The following WDR41 variants were observed in gnomAD, a reference collection of about 807,000 sequenced individuals.
The protein encoded by WDR41 is WD repeat-containing protein 41.
Under a neutral mutation model 69.3 loss-of-function variants are expected in WDR41, and 63 were observed. The observed-to-expected ratio is 0.91, with a 90% CI of 0.74 to 1.12. The LOEUF (loss-of-function observed/expected upper bound fraction) is 1.12, where lower values mean the gene tolerates loss of function less well. Among genes scored for constraint, WDR41 ranks in the 50% most tolerant of loss-of-function variants. The probability of loss-of-function intolerance (pLI) is 0.00; values close to 1 mark genes in which losing one functional copy is unlikely to be tolerated. For synonymous variants in WDR41, 185 were observed against 192.1 expected (o/e 0.96, Z 0.31); for missense variants, 543 against 534.5 (o/e 1.02, Z -0.16).
rs563105005 is a variant in WDR41 at position 77,526,099 on chromosome 5, T to C, written c.43-36527A>G. On this transcript the variant is annotated intron_variant, in intron 1 of 5. Coordinates refer to the WDR41 transcript ENST00000509971. ...ACAAAAAATTATTATAAATTTTAAC[T>C]ATACACTAAAATAGAGGAAATAGTA... 5.9e-5 allele frequency among the ~76,000 whole-genome samples: 9 copies of C among 152,348 alleles called. No homozygotes were observed. In the East Asian group the frequency reaches 1.7e-3, roughly 29 times the overall value.
At chr5:77,586,821 C>T (rs1002490683) in intron 1 of WDR41, among the ~76,000 whole-genome samples, 8 of 149,752 alleles carry the variant, frequency 5.3e-5, no homozygotes, top group African/African-American at 1.5e-4. Context: ...CGGGTTCAAG[C>T]GATTCTCCTG....
upstream of WDR41, among the ~76,000 whole-genome samples, chr5:77,495,790 C>A (rs563766071): frequency 8.0e-5 from 8 of 100,546 alleles, 1 homozygote; most frequent in South Asian, 2.7e-3. Context: ...ACCCTGATAC[C>A]AAAACCAGAA....
intron 1 of WDR41, chr5:77,582,676 G>A: frequency 6.2e-7 from 1 of 1,600,702 alleles, no homozygotes. Context: ...TATCAGTGCT[G>A]TGAGCCCAAA....
At chr5:77,471,934 T>C (rs1446044587) in intron 2 of WDR41, among the ~76,000 whole-genome samples, 1 of 152,158 alleles carries the variant, frequency 6.6e-6, no homozygotes, top group African/African-American at 2.4e-5. Context: ...GAGGCCAGCA[T>C]CATCCTGATA....
At chr5:77,606,684 T>A (rs1744426388) in intron 1 of WDR41, among the ~76,000 whole-genome samples, 1 of 151,884 alleles carries the variant, frequency 6.6e-6, no homozygotes, top group Non-Finnish European at 1.5e-5. Flanking sequence ...ACACCAGTAG[T>A]CCCAGCTACT....
chr5:77,514,639 C>T (rs547547962), intron 1 of WDR41, among the ~76,000 whole-genome samples: 15 of 152,086 alleles, frequency 9.9e-5, no homozygotes, highest in African/African-American at 2.2e-4. Flanking sequence ...TTAATGATAG[C>T]GACACATTCT....
intron 1 of WDR41, among the ~76,000 whole-genome samples, chr5:77,552,307 A>C (rs1391952879): frequency 6.6e-6 from 1 of 152,168 alleles, no homozygotes; most frequent in Non-Finnish European, 1.5e-5. Context: ...TCCAAGGAAA[A>C]TGAAATACTT....
intron 1 of WDR41, among the ~76,000 whole-genome samples, chr5:77,527,865 A>T (rs79705670): frequency 0.018 from 2,766 of 151,862 alleles, 59 homozygotes; most frequent in African/African-American, 0.055. Flanking sequence ...AAGTCATGGA[A>T]AATATTTTGA....
chr5:77,574,735 C>T (rs965798345), intron 1 of WDR41, among the ~76,000 whole-genome samples: 3 of 152,136 alleles, frequency 2.0e-5, no homozygotes, highest in Non-Finnish European at 4.4e-5. Context: ...ACTAATTATC[C>T]TCTCTTTCAC....
chr5:77,595,271 A>G lies in WDR41; in HGVS notation c.42+25208T>C, dbSNP rs182409762. On this transcript the variant is annotated intron_variant, in intron 1 of 5. Coordinates refer to the WDR41 transcript ENST00000509971. ...ATAGAGTGCGTGACCAATAAGATCA[A>G]GTTCAACTATAAGAATGTTTATGAA... is the stretch of plus-strand genomic sequence containing the variant. Among the ~76,000 whole-genome samples the G allele has an allele frequency of 1.4e-3, 213 of 152,356 alleles. No homozygotes were observed. The Middle Eastern group carries it at 0.02, about 15-fold the overall frequency.
chr5:77,540,165 C>G (rs115647473), intron 1 of WDR41, among the ~76,000 whole-genome samples: 2 of 152,120 alleles, frequency 1.3e-5, no homozygotes, highest in East Asian at 3.9e-4. Flanking sequence ...CACTGTAAAG[C>G]GAGAGGGTGT....
chr5:77,449,067 T>C (rs557961690), intron 8 of WDR41, among the ~76,000 whole-genome samples: 19 of 152,134 alleles, frequency 1.2e-4, no homozygotes, highest in South Asian at 4.2e-4. Flanking sequence ...CATACACAGA[T>C]CACCCAGCAC....
At chr5:77,527,302 A>G (rs981191882) in intron 1 of WDR41, among the ~76,000 whole-genome samples, 1 of 151,962 alleles carries the variant, frequency 6.6e-6, no homozygotes, top group African/African-American at 2.4e-5. Flanking sequence ...AAAGAAAAAC[A>G]TACACCATGC....
chr5:77,440,680 G>T (rs1294372218), intron 9 of WDR41, 133 bp downstream of exon 9: 11 of 793,924 alleles, frequency 1.4e-5, no homozygotes, highest in East Asian at 1.4e-4. Context: ...TTTAGAAAAA[G>T]ACCATTTTAA....
At chr5:77,518,739 T>C (rs1372761577) in intron 1 of WDR41, among the ~76,000 whole-genome samples, 1 of 152,132 alleles carries the variant, frequency 6.6e-6, no homozygotes, top group African/African-American at 2.4e-5. Context: ...ATAAACCACT[T>C]TCCAAATTAA....
At chr5:77,523,412 C>T (rs993369000) in intron 1 of WDR41, among the ~76,000 whole-genome samples, 7 of 151,846 alleles carry the variant, frequency 4.6e-5, no homozygotes, top group Admixed American at 4.6e-4. Flanking sequence ...TACAACTTTT[C>T]TGAGGGGAAA....
At chr5:77,449,638 T>C in intron 8 of WDR41, 122 bp downstream of exon 8, 1 of 677,916 alleles carries the variant, frequency 1.5e-6, no homozygotes, top group East Asian at 2.8e-5. Flanking sequence ...TAAAAGAGAA[T>C]GACAATCCCA....
intron 1 of WDR41, among the ~76,000 whole-genome samples, chr5:77,561,814 A>T (rs553893865): frequency 4.6e-5 from 7 of 152,292 alleles, no homozygotes; most frequent in African/African-American, 1.7e-4. Context: ...TTAAAAACAC[A>T]TGTGTTTTCT....
At chr5:77,448,884 C>CAAACAAACAAACAAACACAAACAAAAA (rs1799508696) in intron 8 of WDR41, among the ~76,000 whole-genome samples, 2 of 151,156 alleles carry the variant, frequency 1.3e-5, no homozygotes, top group African/African-American at 4.9e-5. Context: ...AACAAACAAA[C>CAAACAAACAAACAAACACAAACAAAAA]AAACAAACAC....
Sources: gnomAD v4.1 joint callset for allele counts (sites outside exome capture counted in the v4.1 genomes callset) on GRCh38, gnomAD v4.1.1 for gene constraint, MANE v1.5 for transcripts, NCBI Gene and HGNC (gene_info 2026-07-23, HGNC 2026-07-21) for gene names.